Variants in SEPTIN11 observed in about 807,000 individuals in gnomAD.
SEPTIN11 encodes the protein septin 11.
Under a neutral mutation model 51.4 loss-of-function variants are expected in SEPTIN11, and 25 were observed. The observed-to-expected ratio is 0.49, with a 90% CI of 0.35 to 0.68. SEPTIN11 has a LOEUF of 0.68. SEPTIN11 is among the 30% of genes least tolerant of loss of function. The pLI, the probability that SEPTIN11 is intolerant of heterozygous loss-of-function variation, is 0.00. For synonymous variants in SEPTIN11, 174 were observed against 184.1 expected (o/e 0.95, Z 0.44); for missense variants, 381 against 520.8 (o/e 0.73, Z 2.61).
chr4:76,959,467 T>C (rs1215377945), intron 1 of SEPTIN11, among the ~76,000 whole-genome samples: 4 of 151,992 alleles, frequency 2.6e-5, no homozygotes, highest in Non-Finnish European at 5.9e-5. Context: ...CACCTAGACT[T>C]TTCTATAATT....
At chr4:77,030,483 C>T (rs1419609196) in intron 8 of SEPTIN11, among the ~76,000 whole-genome samples, 3 of 152,028 alleles carry the variant, frequency 2.0e-5, no homozygotes, top group South Asian at 2.1e-4. Context: ...CTGCAACCTC[C>T]GCCTCCCAGG....
chr4:76,999,358 A>C (rs1350628002), intron 2 of SEPTIN11, among the ~76,000 whole-genome samples: 1 of 152,230 alleles, frequency 6.6e-6, no homozygotes, highest in Non-Finnish European at 1.5e-5. Flanking sequence ...AAAGTAGATC[A>C]AAATATTTGG....
At chr4:76,953,421 G>T (rs958034965) in intron 1 of SEPTIN11, among the ~76,000 whole-genome samples, 2 of 152,232 alleles carry the variant, frequency 1.3e-5, no homozygotes, top group Non-Finnish European at 2.9e-5. Flanking sequence ...ATATCTGTCT[G>T]GGGATAATTA....
At chr4:76,998,220 C>A (rs1370457224) in intron 2 of SEPTIN11, among the ~76,000 whole-genome samples, 1 of 152,138 alleles carries the variant, frequency 6.6e-6, no homozygotes, top group East Asian at 1.9e-4. Flanking sequence ...GTTTTTCAAA[C>A]TAATGAACAT....
At chr4:77,007,536 TC>T (rs1051411787) in intron 3 of SEPTIN11, among the ~76,000 whole-genome samples, 14 of 152,114 alleles carry the variant, frequency 9.2e-5, no homozygotes, top group Non-Finnish European at 4.4e-5. Context: ...GGCTTTTCAC[TC>T]CCCAATCAGC....
chr4:76,975,235 GA>G (rs1293754000), intron 1 of SEPTIN11, among the ~76,000 whole-genome samples: 1 of 151,782 alleles, frequency 6.6e-6, no homozygotes, highest in African/African-American at 2.4e-5. Flanking sequence ...TAGGACTAAA[GA>G]ATAACTAATG....
At chr4:77,001,350 C>CTTT (rs35682077) in intron 2 of SEPTIN11, among the ~76,000 whole-genome samples, 1 of 148,252 alleles carries the variant, frequency 6.7e-6, no homozygotes, top group Non-Finnish European at 1.5e-5. Context: ...TTTCAATTAA[C>CTTT]TTTTTTTTTT....
chr4:76,967,298 C>T (rs1722073290), intron 1 of SEPTIN11, among the ~76,000 whole-genome samples: 1 of 152,108 alleles, frequency 6.6e-6, no homozygotes. Context: ...ATGGTTTATA[C>T]ACAGTTTTGG....
intron 9 of SEPTIN11, among the ~76,000 whole-genome samples, chr4:77,033,187 C>A (rs143905405): frequency 3.4e-3 from 519 of 152,152 alleles, no homozygotes; most frequent in Middle Eastern, 0.01. Context: ...CTCTTACTGC[C>A]AGTGGTAGTG....
intron 7 of SEPTIN11, chr4:77,021,666 G>C (rs1725730351): frequency 6.6e-6 from 1 of 152,196 alleles, no homozygotes; most frequent in Admixed American, 6.6e-5. Flanking sequence ...ATAGTTCCTT[G>C]GGGAAAAAAA....
intron 5 of SEPTIN11, among the ~76,000 whole-genome samples, chr4:77,017,551 C>T (rs1157203174): frequency 1.3e-5 from 2 of 152,082 alleles, no homozygotes; most frequent in Admixed American, 1.3e-4. Context: ...AGATAATGTG[C>T]TTTCTTTCCT....
At chr4:76,963,462 G>A (rs1223126609) in intron 1 of SEPTIN11, among the ~76,000 whole-genome samples, 1 of 152,168 alleles carries the variant, frequency 6.6e-6, no homozygotes, top group Non-Finnish European at 1.5e-5. Flanking sequence ...ATGATCTTAA[G>A]GCCAAGTCTT....
At chr4:76,963,857 G>A (rs1721919209) in intron 1 of SEPTIN11, among the ~76,000 whole-genome samples, 1 of 151,986 alleles carries the variant, frequency 6.6e-6, no homozygotes. Context: ...ACAGCATGCA[G>A]GTTTGTTACA....
In SEPTIN11 at chr4:77,036,298, G is replaced by C. The variant is rs1727020116; in HGVS notation, c.*1786G>C. On this transcript the variant is annotated 3_prime_UTR_variant, in exon 10 of 10. Transcript: ENST00000264893. Reference sequence around the variant, plus strand: ...GCTTTTGTTTTTTTAAATAATTCTAGTCTGGAGCTAACTGTGGAGCAGCCA... The same window carrying C: ...GCTTTTGTTTTTTTAAATAATTCTACTCTGGAGCTAACTGTGGAGCAGCCA... The C allele has an allele frequency of 8.8e-6, 9 of 1,018,678 alleles. No homozygotes were observed. Among genetic ancestry groups the C allele is most frequent in the Non-Finnish European group, 1.1e-5 (9 of 851,030 alleles). The allele number at this position is 1,018,678 out of a possible 1,614,324, so 63.1% of individuals were successfully genotyped here.
rs9992021 is a variant in SEPTIN11, at chr4:76,984,018, G to A, written c.28-12407G>A. ...CAAGACTCCATTTCAGGGAAAAAAA[G>A]AAAAGAAAAAAAGAACTCTTAGGAA... On this transcript the variant is annotated intron_variant, in intron 1 of 9. Coordinates refer to ENST00000264893, the MANE Select transcript of SEPTIN11 (RefSeq NM_018243.4). This position sits in a 1 kb window ranked among gnomAD's most constrained non-coding sequence, Gnocchi z 4.1. Among the ~76,000 whole-genome samples the A allele has an allele frequency of 0.011, 1,615 of 152,024 alleles. 31 individuals are homozygous for A. Among genetic ancestry groups the A allele is most frequent in the African/African-American group, 0.036 (1,507 of 41,464 alleles).
chr4:76,990,921 T>C (rs1723343981), intron 1 of SEPTIN11, among the ~76,000 whole-genome samples: 1 of 152,228 alleles, frequency 6.6e-6, no homozygotes, highest in South Asian at 2.1e-4. Context: ...AATGTGATTT[T>C]GTGGCTTTTC....
intron 4 of SEPTIN11, among the ~76,000 whole-genome samples, chr4:77,014,374 T>C (rs1186346885): frequency 6.6e-6 from 1 of 152,134 alleles, no homozygotes; most frequent in African/African-American, 2.4e-5. Flanking sequence ...GTTATACTGT[T>C]AGGAGGTGCG....
chr4:76,966,574 TA>T lies in SEPTIN11; in HGVS notation c.27+16646del, dbSNP rs564535736. On this transcript the variant is annotated intron_variant, in intron 1 of 9. Transcript: ENST00000264893. ...TCTTGAAAAAAATTAAAAATTTATG[TA>T]ATCAGCCAGGCATGGTGGCTCACAC... Among the ~76,000 whole-genome samples, 168 of 152,192 alleles carry T rather than the reference TA, an allele frequency of 1.1e-3. 1 individual carries two copies. Among genetic ancestry groups the T allele is most frequent in the African/African-American group, 3.9e-3 (164 of 41,520 alleles).
chr4:76,975,728 C>A (rs1411771571), intron 1 of SEPTIN11, among the ~76,000 whole-genome samples: 3 of 152,182 alleles, frequency 2.0e-5, no homozygotes, highest in African/African-American at 7.2e-5. Context: ...CTAAAAGGTT[C>A]TTGGGGAGGA....
Sources: allele counts gnomAD v4.1 joint callset (sites outside exome capture counted in the v4.1 genomes callset), GRCh38; gene constraint gnomAD v4.1.1; non-coding constraint Gnocchi (gnomAD v3.1); transcripts MANE v1.5; gene names NCBI Gene and HGNC (gene_info 2026-07-23, HGNC 2026-07-21).